The following PPARGC1A variants were observed in gnomAD, a reference collection of about 807,000 sequenced individuals.
PPARGC1A encodes peroxisome proliferator-activated receptor gamma coactivator 1-alpha.
A neutral mutation model predicts 88.7 loss-of-function variants in PPARGC1A; 25 were observed. That is an observed-to-expected ratio of 0.28 (90% CI 0.21 to 0.39). The LOEUF is 0.39. Ranked by LOEUF, PPARGC1A falls within the 10% of genes least tolerant of loss-of-function variation. The pLI is 1.00. For synonymous variants in PPARGC1A, 363 were observed against 355.6 expected (o/e 1.02, Z -0.24); for missense variants, 880 against 968.7 (o/e 0.91, Z 1.22).
chr4:24,209,721 A>G, the PPARGC1A span, among the ~76,000 whole-genome samples: 2 of 152,286 alleles, frequency 1.3e-5, no homozygotes, highest in South Asian at 4.1e-4. Flanking sequence ...TCTTCCATTC[A>G]TATCTCTGCA....
the PPARGC1A span, among the ~76,000 whole-genome samples, chr4:24,448,800 T>C: frequency 6.6e-6 from 1 of 152,254 alleles, no homozygotes; most frequent in East Asian, 1.9e-4. Flanking sequence ...ACCATGCCTA[T>C]CAACTTTATA....
the PPARGC1A span, among the ~76,000 whole-genome samples, chr4:24,266,969 C>G: frequency 6.6e-6 from 1 of 152,010 alleles, no homozygotes; most frequent in Admixed American, 6.5e-5. Flanking sequence ...ACTTTTTTCC[C>G]TTGTTCAACC....
At chr4:24,058,926 C>T in the PPARGC1A span, among the ~76,000 whole-genome samples, 1 of 152,172 alleles carries the variant, frequency 6.6e-6, no homozygotes, top group African/African-American at 2.4e-5. Context: ...GCCTGGGTGA[C>T]AGAAATTAGA....
chr4:23,959,951 C>CA, the PPARGC1A span, among the ~76,000 whole-genome samples: 1 of 152,124 alleles, frequency 6.6e-6, no homozygotes, highest in Non-Finnish European at 1.5e-5. Flanking sequence ...AAAAGCAACT[C>CA]AGCCTATAAA....
chr4:24,245,623 G>T, the PPARGC1A span, among the ~76,000 whole-genome samples: 2 of 152,124 alleles, frequency 1.3e-5, no homozygotes, highest in African/African-American at 2.4e-5. Context: ...TTGCTGGTAC[G>T]AGGACCACAC....
the PPARGC1A span, among the ~76,000 whole-genome samples, chr4:24,080,424 T>C: frequency 5.9e-5 from 9 of 152,182 alleles, no homozygotes; most frequent in African/African-American, 2.2e-4. Flanking sequence ...CAACTCATAA[T>C]TTCTAATAAT....
At chr4:23,939,615 T>C in the PPARGC1A span, among the ~76,000 whole-genome samples, 279 of 152,260 alleles carry the variant, frequency 1.8e-3, no homozygotes, top group African/African-American at 6.1e-3. Flanking sequence ...TCTCTAGAGA[T>C]AGAGAAAGGA....
the PPARGC1A span, among the ~76,000 whole-genome samples, chr4:24,117,231 A>G: frequency 6.6e-6 from 1 of 152,160 alleles, no homozygotes; most frequent in South Asian, 2.1e-4. Flanking sequence ...CGGTGACTTT[A>G]TCAGCTTCAT....
chr4:23,886,443 G>A (rs1560515374), intron 1 of PPARGC1A, among the ~76,000 whole-genome samples: 1 of 152,010 alleles, frequency 6.6e-6, no homozygotes, highest in Non-Finnish European at 1.5e-5. Context: ...GGGAGGATGG[G>A]GGGAGACTGA....
chr4:24,082,195 C>G, the PPARGC1A span, among the ~76,000 whole-genome samples: 1 of 152,190 alleles, frequency 6.6e-6, no homozygotes, highest in Non-Finnish European at 1.5e-5. Flanking sequence ...AATCCAGGCA[C>G]TGCCCCTGAG....
At chr4:24,170,688 C>T in the PPARGC1A span, among the ~76,000 whole-genome samples, 1 of 152,160 alleles carries the variant, frequency 6.6e-6, no homozygotes, top group Non-Finnish European at 1.5e-5. Flanking sequence ...TGGTACGGAA[C>T]AACCATGTTC....
chr4:23,831,508 T>C, intron 3 of PPARGC1A, 49 bp downstream of exon 3: 2 of 1,524,330 alleles, frequency 1.3e-6, no homozygotes, highest in Non-Finnish European at 1.8e-6. Flanking sequence ...ATGCAGCGGG[T>C]AGCCAGAGGC....
In PPARGC1A at chr4:23,828,388, T is replaced by A. The variant is rs1029190447; in HGVS notation, c.757+12A>T. The A allele has an allele frequency of 1.2e-6, 2 of 1,610,322 alleles. No individual in the cohort carries two copies. Among genetic ancestry groups the A allele is most frequent in the Admixed American group, 3.3e-5 (2 of 60,020 alleles). On this transcript the variant is annotated intron_variant, in intron 5 of 12. Coordinates refer to ENST00000264867, the MANE Select transcript of PPARGC1A (RefSeq NM_013261.5). ...TGCCCTCACCAACAGCTCGTTTTGG[T>A]CCCCAGCCTACCTTGTAAGTGTTGT...
the PPARGC1A span, among the ~76,000 whole-genome samples, chr4:24,216,046 T>A: frequency 6.6e-6 from 1 of 151,836 alleles, no homozygotes; most frequent in East Asian, 1.9e-4. Context: ...TTTCACCAAG[T>A]GTATTTGACA....
chr4:23,828,449 G>T lies in PPARGC1A; in HGVS notation c.708C>A (p.Cys236Ter). The T allele has an allele frequency of 6.2e-7, 1 of 1,614,024 alleles. No homozygotes were observed. Among genetic ancestry groups the T allele is most frequent in the Non-Finnish European group, 8.5e-7 (1 of 1,179,952 alleles). ...TENRNSSRDK[C>*]TSKKKSHTQS... ...GTGTGTGGGACTTCTTTTTGGAGGT[G>T]CATTTGTCTCTGCTGCTGTTTCTGT... The change falls in exon 5 of 13, where the codon TGC (cysteine) becomes TGA (stop). Residue 236 changes from cysteine to a stop codon, truncating the protein, a stop_gained. Transcript: ENST00000264867. LOFTEE classifies it high-confidence loss of function.
chr4:24,318,190 G>A, the PPARGC1A span, among the ~76,000 whole-genome samples: 2 of 152,176 alleles, frequency 1.3e-5, no homozygotes, highest in Non-Finnish European at 2.9e-5. Context: ...AATGACAGGC[G>A]ACCACTTGGT....
chr4:23,843,548 C>T (rs1727448240), intron 2 of PPARGC1A, among the ~76,000 whole-genome samples: 1 of 151,658 alleles, frequency 6.6e-6, no homozygotes, highest in Admixed American at 6.6e-5. Flanking sequence ...AAATTGAATT[C>T]AAAATAAGTG....
At chr4:24,011,774 T>C in the PPARGC1A span, among the ~76,000 whole-genome samples, 2 of 152,222 alleles carry the variant, frequency 1.3e-5, no homozygotes, top group Non-Finnish European at 2.9e-5. Context: ...TGTGGCAACC[T>C]ATACCTTTTT....
chr4:24,190,474 C>T, the PPARGC1A span, among the ~76,000 whole-genome samples: 3 of 152,078 alleles, frequency 2.0e-5, no homozygotes, highest in Non-Finnish European at 2.9e-5. Context: ...GAGATCGCAC[C>T]ACTGCACTCC....
Sources: allele counts gnomAD v4.1 joint callset (sites outside exome capture counted in the v4.1 genomes callset), GRCh38; gene constraint gnomAD v4.1.1; transcripts MANE v1.5; gene names NCBI Gene and HGNC (gene_info 2026-07-23, HGNC 2026-07-21).